The following FOXK2 variants were observed in gnomAD, a reference collection of about 807,000 sequenced individuals.
The protein encoded by FOXK2 is forkhead box K2, also known as forkhead box protein K2.
Under a neutral mutation model 53.3 loss-of-function variants are expected in FOXK2, and 24 were observed. That is an observed-to-expected ratio of 0.45 (90% confidence interval 0.33 to 0.63). FOXK2 has a LOEUF of 0.63. Ranked by LOEUF, FOXK2 falls within the 30% of genes least tolerant of loss-of-function variation. FOXK2 has a pLI of 0.03. For missense variants in FOXK2, 952 were observed against 910.5 expected (o/e 1.05, Z -0.59); for synonymous variants, 505 against 407.1 (o/e 1.24, Z -2.89).
intron 1 of FOXK2, among the ~76,000 whole-genome samples, chr17:82,546,303 G>C (rs552720235): frequency 2.6e-5 from 4 of 151,968 alleles, no homozygotes; most frequent in Admixed American, 1.3e-4. Context: ...TTTTGGTAGA[G>C]ACGGGATTTC....
intron 4 of FOXK2, among the ~76,000 whole-genome samples, chr17:82,574,406 C>T (rs7215108): frequency 0.44 from 66,641 of 151,128 alleles, 14,869 homozygotes; most frequent in South Asian, 0.56. Flanking sequence ...CTGCAACCTC[C>T]GCCTCCCAGG....
rs1447248673 is a variant in FOXK2 at position 82,603,948 on chromosome 17, C to G, written c.*2449C>G. The G allele has an allele frequency of 6.6e-6, 1 of 152,182 alleles. No homozygotes were observed. Among genetic ancestry groups the G allele is most frequent in the Admixed American group, 6.5e-5 (1 of 15,286 alleles). 9.4% of individuals were successfully genotyped at this position (152,182 alleles called of 1,614,324 possible). A position where few individuals can be genotyped will look rare whatever the true frequency, so the allele number is the denominator to read the frequency against. On this transcript the variant is annotated 3_prime_UTR_variant, in exon 9 of 9. Transcript: ENST00000335255. ...GGTTTTCTTGCCCGTCTTTAAGGCACTGTTTCTAAATTTTGAACTTAGCTC... is the reference window on the plus strand; with the variant it reads ...GGTTTTCTTGCCCGTCTTTAAGGCAGTGTTTCTAAATTTTGAACTTAGCTC...
intron 4 of FOXK2, chr17:82,576,883 G>T (rs1460804825): frequency 8.2e-6 from 4 of 486,464 alleles, no homozygotes; most frequent in African/African-American, 7.9e-5. Context: ...ATGCAGGCTG[G>T]GTGCGGTGGC....
At position 82,584,198 on chromosome 17, in the gene FOXK2, C is replaced by T. The variant is rs372920071; in HGVS notation, c.1279+10C>T. 5.6e-5 allele frequency: 89 copies of T among 1,577,794 alleles called. 1 individual carries two copies. The highest frequency in any genetic ancestry group is 9.4e-5 in the African/African-American group (7 of 74,292). ...GCCCAGAGCGCCCCAGGTGAGACAGCGGGAGAGGAAGCGAGGGCCCCAACA... is the reference window on the plus strand; with the variant it reads ...GCCCAGAGCGCCCCAGGTGAGACAGTGGGAGAGGAAGCGAGGGCCCCAACA... On this transcript the variant is annotated intron_variant, in intron 6 of 8. Transcript: ENST00000335255.
chr17:82,547,680 G>C (rs550491484), intron 1 of FOXK2, among the ~76,000 whole-genome samples: 1 of 152,194 alleles, frequency 6.6e-6, no homozygotes, highest in African/African-American at 2.4e-5. Flanking sequence ...CTTTCAAAGA[G>C]TTTTGACAGC....
intron 8 of FOXK2, among the ~76,000 whole-genome samples, chr17:82,597,688 T>C (rs1310018723): frequency 6.6e-6 from 1 of 152,176 alleles, no homozygotes; most frequent in African/African-American, 2.4e-5. Flanking sequence ...TTTGCTTTTG[T>C]TGCCCAGGCT....
chr17:82,547,701 A>C (rs1403942213), intron 1 of FOXK2, among the ~76,000 whole-genome samples: 2 of 152,184 alleles, frequency 1.3e-5, no homozygotes, highest in African/African-American at 2.4e-5. Flanking sequence ...TGTATACACC[A>C]TGTAGCCGAA....
intron 1 of FOXK2, among the ~76,000 whole-genome samples, chr17:82,521,766 T>C (rs1488920886): frequency 1.0e-5 from 1 of 97,766 alleles, no homozygotes; most frequent in Non-Finnish European, 2.2e-5. Context: ...CCGTCTCTAC[T>C]AAAAATACAA....
At chr17:82,566,846 A>G (rs1357798193) in intron 2 of FOXK2, among the ~76,000 whole-genome samples, 1 of 152,142 alleles carries the variant, frequency 6.6e-6, no homozygotes, top group Non-Finnish European at 1.5e-5. Flanking sequence ...GAGCAACCTG[A>G]CTTTCCAAAC....
At chr17:82,598,469 G>A (rs529025580) in intron 8 of FOXK2, among the ~76,000 whole-genome samples, 5 of 152,260 alleles carry the variant, frequency 3.3e-5, no homozygotes, top group South Asian at 2.1e-4. Flanking sequence ...TGAGTCAGCC[G>A]TGTTGTGCTG....
chr17:82,526,005 T>A (rs62078089), intron 1 of FOXK2, among the ~76,000 whole-genome samples: 54 of 18,118 alleles, frequency 3.0e-3, no homozygotes, highest in African/African-American at 7.1e-3. Context: ...CATGAATCCC[T>A]CACTTTATGT....
chr17:82,556,455 A>G (rs899924564), intron 1 of FOXK2, among the ~76,000 whole-genome samples: 1 of 151,202 alleles, frequency 6.6e-6, no homozygotes, highest in Non-Finnish European at 1.5e-5. Context: ...AAAAAAAAAA[A>G]GCAAGTTACC....
At chr17:82,561,684 A>G (rs2044795158) in intron 1 of FOXK2, among the ~76,000 whole-genome samples, 1 of 119,474 alleles carries the variant, frequency 8.4e-6, no homozygotes, top group Admixed American at 8.2e-5. Context: ...GCGAGTGTTG[A>G]AACCCCTCAG....
rs551647675 is a variant in FOXK2, at chr17:82,577,323, C to T, written c.910-5418C>T. 5.5e-4 allele frequency: 479 copies of T among 872,432 alleles called. 1 individual carries two copies. The highest frequency in any genetic ancestry group is 1.4e-3 in the South Asian group (103 of 71,576). The allele number at this position is 872,432 out of a possible 1,614,324, so 54.0% of individuals were successfully genotyped here. On this transcript the variant is annotated intron_variant, in intron 4 of 8. Transcript: ENST00000335255. ...ATGATAACGTTCTCTAAATATCCAA[C>T]CACAACAGCAAATTCATCAGAGGTG...
chr17:82,587,037 T>C (rs2045187090), intron 7 of FOXK2, 26 bp from the exon 8 acceptor site: 4 of 1,603,706 alleles, frequency 2.5e-6, no homozygotes, highest in Non-Finnish European at 3.4e-6. Flanking sequence ...GTAATATTAA[T>C]GTCGTTTCTT....
At chr17:82,538,096 GCCTGTAATC>G (rs2044538789) in intron 1 of FOXK2, among the ~76,000 whole-genome samples, 1 of 152,068 alleles carries the variant, frequency 6.6e-6, no homozygotes, top group East Asian at 1.9e-4. Flanking sequence ...GATGGTCGGT[GCCTGTAATC>G]CCAGCTACTT....
chr17:82,534,688 T>C (rs983362160), intron 1 of FOXK2, among the ~76,000 whole-genome samples: 1 of 152,242 alleles, frequency 6.6e-6, no homozygotes, highest in Non-Finnish European at 1.5e-5. Context: ...GGTTTGACTT[T>C]AGTGACTGGG....
intron 1 of FOXK2, among the ~76,000 whole-genome samples, chr17:82,544,509 C>T (rs566835637): frequency 9.2e-5 from 14 of 152,228 alleles, no homozygotes; most frequent in African/African-American, 2.9e-4. Flanking sequence ...AGTAGCACAG[C>T]GTGTGTACTG....
chr17:82,554,546 C>T (rs1326334786), intron 1 of FOXK2, among the ~76,000 whole-genome samples: 2 of 152,122 alleles, frequency 1.3e-5, no homozygotes, highest in Admixed American at 1.3e-4. Flanking sequence ...GAATTTTTAT[C>T]AGGGCCCTCT....
Sources: gnomAD v4.1 joint callset for allele counts (sites outside exome capture counted in the v4.1 genomes callset) on GRCh38, gnomAD v4.1.1 for gene constraint, MANE v1.5 for transcripts, NCBI Gene and HGNC (gene_info 2026-07-23, HGNC 2026-07-21) for gene names.